The following PCDHGA2 variants were observed in gnomAD, a reference collection of about 807,000 sequenced individuals.
PCDHGA2 encodes protocadherin gamma subfamily A, 2, also known as protocadherin gamma-A2.
A neutral mutation model predicts 59.2 loss-of-function variants in PCDHGA2; 40 were observed. The ratio of observed to expected loss-of-function variants is 0.68; its 90% confidence interval spans 0.52 to 0.88. PCDHGA2 has a LOEUF of 0.88. Ranked by LOEUF, PCDHGA2 falls within the 40% of genes least tolerant of loss-of-function variation. The pLI is 0.00. For synonymous variants in PCDHGA2, 560 were observed against 526.0 expected (o/e 1.06, Z -0.89); for missense variants, 1,226 against 1,204.0 (o/e 1.02, Z -0.27).
chr5:141,489,427 C>T lies in PCDHGA2; in HGVS notation c.2425-5380C>T, dbSNP rs370540900. 83 of 1,613,990 alleles carry T rather than the reference C, an allele frequency of 5.1e-5. No individual in the cohort carries two copies. The highest frequency in any genetic ancestry group is 8.3e-5 in the Admixed American group (5 of 59,996). On this transcript the variant is annotated intron_variant, in intron 1 of 3. Transcript: ENST00000394576. The surrounding 1 kb of genome is among the most constrained non-coding windows in gnomAD (Gnocchi z 4.5). ...AAAGATGACAGATCTGTTGAGCCGGCGGCTGCAATTGGGCTCTGAGGAGAA... is the reference window on the plus strand; with the variant it reads ...AAAGATGACAGATCTGTTGAGCCGGTGGCTGCAATTGGGCTCTGAGGAGAA...
At chr5:141,471,901 G>C (rs1224804131) in intron 1 of PCDHGA2, among the ~76,000 whole-genome samples, 1 of 152,146 alleles carries the variant, frequency 6.6e-6, no homozygotes, top group Non-Finnish European at 1.5e-5. Context: ...ATTGACTACA[G>C]ACAAGCATGA....
intron 1 of PCDHGA2, chr5:141,410,438 G>A (rs957017717): frequency 2.5e-6 from 4 of 1,613,894 alleles, no homozygotes; most frequent in African/African-American, 2.7e-5. Flanking sequence ...CTACAGTGAG[G>A]GGACTTTGCC....
intron 1 of PCDHGA2, chr5:141,408,814 A>G (rs1473137465): frequency 6.8e-6 from 11 of 1,613,456 alleles, no homozygotes; most frequent in Non-Finnish European, 8.5e-6. Context: ...ACCGGGAAGA[A>G]CAGAGATCTC....
chr5:141,468,528 G>A (rs2154569956), intron 1 of PCDHGA2: 1 of 152,056 alleles, frequency 6.6e-6, no homozygotes, highest in South Asian at 2.1e-4. Context: ...TTTTTTGCAG[G>A]TAGTTTCCTG....
At chr5:141,463,438 CTTTTTTTTTTTTT>C (rs71576115) in intron 1 of PCDHGA2, among the ~76,000 whole-genome samples, 4 of 103,254 alleles carry the variant, frequency 3.9e-5, no homozygotes, top group South Asian at 3.2e-4. Flanking sequence ...TTTCCTTCTC[CTTTTTTTTTTTTT>C]TTTTTTTTTT....
At chr5:141,410,440 G>C in intron 1 of PCDHGA2, 1 of 1,614,036 alleles carries the variant, frequency 6.2e-7, no homozygotes, top group Non-Finnish European at 8.5e-7. Context: ...ACAGTGAGGG[G>C]ACTTTGCCTT....
At chr5:141,392,641 C>CGAA in intron 1 of PCDHGA2, 1 of 655,502 alleles carries the variant, frequency 1.5e-6, no homozygotes, top group Non-Finnish European at 2.5e-6. Flanking sequence ...TCACACCTCA[C>CGAA]GAAGACCCGC....
At chr5:141,404,408 A>G in intron 1 of PCDHGA2, 1 of 1,613,900 alleles carries the variant, frequency 6.2e-7, no homozygotes, top group Non-Finnish European at 8.5e-7. Flanking sequence ...TGAGAATTCT[A>G]GAGTTATTTA....
At chr5:141,452,912 A>T (rs1301567203) in intron 1 of PCDHGA2, among the ~76,000 whole-genome samples, 1 of 152,228 alleles carries the variant, frequency 6.6e-6, no homozygotes, top group African/African-American at 2.4e-5. Flanking sequence ...GGCATTATAC[A>T]GTAAGAAAGA....
chr5:141,476,453 G>C lies in PCDHGA2; in HGVS notation c.2425-18354G>C. On this transcript the variant is annotated intron_variant, in intron 1 of 3. Coordinates refer to ENST00000394576, the MANE Select transcript of PCDHGA2 (RefSeq NM_018915.4). This position sits in a 1 kb window ranked among gnomAD's most constrained non-coding sequence, Gnocchi z 7.6. The stretch of plus-strand genomic sequence containing the variant: ...CACTGTAACTCTGGAGTTGGTAGTG[G>C]AGAACCCGCTGGAGCTGTTCAGCGT... 2 of 1,614,138 alleles carry C rather than the reference G, an allele frequency of 1.2e-6. No homozygotes were observed. Among genetic ancestry groups the C allele is most frequent in the Non-Finnish European group, 1.7e-6 (2 of 1,180,022 alleles).
At chr5:141,377,979 G>A (rs887213407) in intron 1 of PCDHGA2, 1 of 152,086 alleles carries the variant, frequency 6.6e-6, no homozygotes, top group African/African-American at 2.4e-5. Context: ...ATGTTCCTGG[G>A]TTGCAATCCT....
At chr5:141,376,223 C>A in intron 1 of PCDHGA2, 3 of 1,614,202 alleles carry the variant, frequency 1.9e-6, no homozygotes, top group Non-Finnish European at 2.5e-6. Context: ...GCTGCTGGCG[C>A]TCAGACTGCA....
Position 141,476,024 on chromosome 5 carries a change from C to T in PCDHGA2, c.2425-18783C>T. ...ATCCAGAAAGCCATGTCGGACTCGG[C>T]GCCCAGCGCCCAAGCGCTAACCCGC... On this transcript the variant is annotated intron_variant, in intron 1 of 3. Coordinates refer to ENST00000394576, the MANE Select transcript of PCDHGA2 (RefSeq NM_018915.4). The surrounding 1 kb of genome is among the most constrained non-coding windows in gnomAD (Gnocchi z 7.6). The T allele has an allele frequency of 1.4e-6, 2 of 1,416,548 alleles. No individual in the cohort carries two copies. Among genetic ancestry groups the T allele is most frequent in the Non-Finnish European group, 9.5e-7 (1 of 1,058,066 alleles). 87.7% of individuals were successfully genotyped at this position (1,416,548 alleles called of 1,614,324 possible).
At chr5:141,369,790 A>G (rs1005074497) in intron 1 of PCDHGA2, among the ~76,000 whole-genome samples, 2 of 152,248 alleles carry the variant, frequency 1.3e-5, no homozygotes, top group African/African-American at 4.8e-5. Flanking sequence ...TCTTTATACT[A>G]CGTCTTCTGC....
At chr5:141,399,335 A>G in intron 1 of PCDHGA2, 3 of 1,613,978 alleles carry the variant, frequency 1.9e-6, no homozygotes, top group Non-Finnish European at 2.5e-6. Flanking sequence ...TTGGTAACAG[A>G]TGGAACCCTA....
intron 1 of PCDHGA2, chr5:141,385,673 C>T (rs1253807650): frequency 2.6e-6 from 1 of 384,964 alleles, no homozygotes; most frequent in Non-Finnish European, 3.8e-6. Context: ...TAAAACACAC[C>T]TCAGCTGTCT....
chr5:141,421,784 G>C, intron 1 of PCDHGA2: 1 of 1,613,874 alleles, frequency 6.2e-7, no homozygotes, highest in Non-Finnish European at 8.5e-7. Context: ...CTGCGGGGCA[G>C]AACGGATGGG....
chr5:141,342,467 T>A (rs1757164084), intron 1 of PCDHGA2: 1 of 152,238 alleles, frequency 6.6e-6, no homozygotes, highest in African/African-American at 2.4e-5. Flanking sequence ...AAAATTATCA[T>A]GTACCAATTG....
intron 1 of PCDHGA2, chr5:141,344,790 G>A (rs1271015462): frequency 1.9e-6 from 3 of 1,613,972 alleles, no homozygotes; most frequent in Non-Finnish European, 2.5e-6. Flanking sequence ...GAGTGTTTGG[G>A]AGAACGTGCC....
Sources: allele counts gnomAD v4.1 joint callset (sites outside exome capture counted in the v4.1 genomes callset), GRCh38; gene constraint gnomAD v4.1.1; non-coding constraint Gnocchi (gnomAD v3.1); transcripts MANE v1.5; gene names NCBI Gene and HGNC (gene_info 2026-07-23, HGNC 2026-07-21).